SLC41A3: variants seen among roughly 807,000 people sequenced by gnomAD.
SLC41A3 encodes the protein SLC41A1-like 2.
A neutral mutation model predicts 45.4 loss-of-function variants in SLC41A3; 44 were observed. The observed-to-expected ratio is 0.97, with a 90% CI of 0.76 to 1.25. SLC41A3 has a LOEUF of 1.25. Among genes scored for constraint, SLC41A3 ranks in the 50% most tolerant of loss-of-function variants. The pLI is 0.00. For missense variants in SLC41A3, 550 were observed against 600.6 expected (o/e 0.92, Z 0.88); for synonymous variants, 256 against 252.4 (o/e 1.01, Z -0.13).
Position 126,064,380 on chromosome 3 carries a change from C to T in SLC41A3, c.273+3567G>A, listed in dbSNP as rs184191867. Among the ~76,000 whole-genome samples, 332 of 152,170 alleles carry T rather than the reference C, an allele frequency of 2.2e-3. 2 individuals carry two copies. Among genetic ancestry groups the T allele is most frequent in the Non-Finnish European group, 3.4e-3 (228 of 67,988 alleles). On this transcript the variant is annotated intron_variant, in intron 2 of 10. Coordinates refer to ENST00000360370, the MANE Select transcript of SLC41A3 (RefSeq NM_017836.4). The stretch of plus-strand genomic sequence containing the variant: ...GAATGGAGGGCAGGTTTCCCACTCT[C>T]TTGTTATGACAAATCTTGCCCCCCA...
chr3:126,084,359 G>C (rs1945327478), upstream of SLC41A3: 1 of 152,152 alleles, frequency 6.6e-6, no homozygotes, highest in African/African-American at 2.4e-5. Flanking sequence ...GGCCCTCCTC[G>C]CAGCTGGGGC....
intron 4 of SLC41A3, 105 bp downstream of exon 4, chr3:126,033,502 C>G (rs932071409): frequency 1.7e-5 from 21 of 1,254,818 alleles, no homozygotes; most frequent in Non-Finnish European, 2.3e-5. Context: ...TCTCAAAGTT[C>G]AGGCCAGAGT....
intron 4 of SLC41A3, among the ~76,000 whole-genome samples, chr3:126,030,449 A>C (rs1941716067): frequency 6.6e-6 from 1 of 152,176 alleles, no homozygotes; most frequent in South Asian, 2.1e-4. Context: ...TCTAGTAGTT[A>C]GGAAAATTCT....
chr3:126,049,432 A>G (rs1943180812), intron 3 of SLC41A3, among the ~76,000 whole-genome samples: 1 of 152,202 alleles, frequency 6.6e-6, no homozygotes, highest in Non-Finnish European at 1.5e-5. Context: ...GGTTGCAGTG[A>G]GCTGAGATCA....
rs776446515 is a variant in SLC41A3 at position 126,026,316 on chromosome 3, C to T, written c.598+19G>A. 3 of 1,554,798 alleles carry T rather than the reference C, an allele frequency of 1.9e-6. No individual in the cohort carries two copies. Among genetic ancestry groups the T allele is most frequent in the East Asian group, 2.4e-5 (1 of 41,414 alleles). On this transcript the variant is annotated intron_variant, in intron 5 of 10. Transcript: ENST00000360370. This position sits in a 1 kb window ranked among gnomAD's most constrained non-coding sequence, Gnocchi z 4.2. ...GGAGCAGGGAGCGGGTGGGGGCTCA[C>T]AGCTGGGGCATGGCTCACCCAGGGC...
intron 1 of SLC41A3, among the ~76,000 whole-genome samples, chr3:126,098,592 T>A (rs1945647632): frequency 6.6e-6 from 1 of 152,242 alleles, no homozygotes; most frequent in South Asian, 2.1e-4. Flanking sequence ...AGCTCCCAGA[T>A]GGACCACGGG....
intron 1 of SLC41A3, among the ~76,000 whole-genome samples, chr3:126,077,022 G>T (rs1576366182): frequency 6.6e-6 from 1 of 152,128 alleles, no homozygotes; most frequent in East Asian, 1.9e-4. Flanking sequence ...AAAATAACTG[G>T]ATTATTTTTC....
chr3:126,056,266 C>T, intron 2 of SLC41A3: 4 of 1,492,518 alleles, frequency 2.7e-6, no homozygotes, highest in Non-Finnish European at 3.7e-6. Context: ...ACTGTAGAGG[C>T]CCCTCATGTC....
intron 4 of SLC41A3, among the ~76,000 whole-genome samples, chr3:126,031,394 T>C (rs565168169): frequency 6.6e-6 from 1 of 152,280 alleles, no homozygotes; most frequent in Admixed American, 6.5e-5. Context: ...ATCTTTCAAG[T>C]AAGTCAAAGG....
chr3:126,088,888 T>C (rs779120212), upstream of SLC41A3, among the ~76,000 whole-genome samples: 4 of 152,236 alleles, frequency 2.6e-5, no homozygotes, highest in African/African-American at 7.2e-5. Context: ...CAGCTCACTA[T>C]TGAACAATCA....
chr3:126,087,863 TG>T (rs1003450030), upstream of SLC41A3, among the ~76,000 whole-genome samples: 1 of 152,064 alleles, frequency 6.6e-6, no homozygotes, highest in Non-Finnish European at 1.5e-5. Context: ...TTTCTAGAGA[TG>T]GGTCTTTGAT....
At position 126,026,779 on chromosome 3, in the gene SLC41A3, A is replaced by T. The variant is rs757717269; in HGVS notation, c.454-300T>A. Among the ~76,000 whole-genome samples, 2 of 152,204 alleles carry T rather than the reference A, an allele frequency of 1.3e-5. No homozygotes were observed. Among genetic ancestry groups the T allele is most frequent in the Non-Finnish European group, 2.9e-5 (2 of 68,052 alleles). Reference sequence around the variant, plus strand: ...AGGCTTTGGTCAGGGGCCACCTGGTATCTTGCTGGCAACTCCACTCTCACT... The same window carrying T: ...AGGCTTTGGTCAGGGGCCACCTGGTTTCTTGCTGGCAACTCCACTCTCACT... On this transcript the variant is annotated intron_variant, in intron 4 of 10. Coordinates refer to ENST00000360370, the MANE Select transcript of SLC41A3 (RefSeq NM_017836.4). The surrounding 1 kb of genome is among the most constrained non-coding windows in gnomAD (Gnocchi z 4.2).
chr3:126,044,394 T>C (rs934151743), intron 3 of SLC41A3, among the ~76,000 whole-genome samples: 38 of 152,184 alleles, frequency 2.5e-4, no homozygotes, highest in African/African-American at 1.2e-4. Flanking sequence ...CAATGATGAA[T>C]ACAACAACCA....
intron 3 of SLC41A3, among the ~76,000 whole-genome samples, chr3:126,042,567 C>G (rs1016623888): frequency 1.3e-5 from 2 of 151,850 alleles, no homozygotes; most frequent in Non-Finnish European, 2.9e-5. Flanking sequence ...AGACACTGAC[C>G]CTAAAGAAAG....
intron 2 of SLC41A3, chr3:126,056,481 A>G (rs766261208): frequency 6.2e-7 from 1 of 1,614,208 alleles, no homozygotes; most frequent in Non-Finnish European, 8.5e-7. Context: ...GGGACCGGGT[A>G]AGCTCACAGC....
intron 3 of SLC41A3, among the ~76,000 whole-genome samples, chr3:126,038,753 T>C (rs751648596): frequency 6.6e-6 from 1 of 152,212 alleles, no homozygotes; most frequent in Non-Finnish European, 1.5e-5. Context: ...GGGATGATTG[T>C]ATTTTGTAAT....
At chr3:126,041,706 G>A (rs1405710528) in intron 3 of SLC41A3, among the ~76,000 whole-genome samples, 2 of 152,188 alleles carry the variant, frequency 1.3e-5, no homozygotes, top group African/African-American at 4.8e-5. Context: ...ACTAGAGGAT[G>A]TACTCAATCA....
chr3:126,065,571 T>C (rs561896062), intron 2 of SLC41A3, among the ~76,000 whole-genome samples: 1 of 152,312 alleles, frequency 6.6e-6, no homozygotes, highest in South Asian at 2.1e-4. Context: ...TTCTTCTTCA[T>C]GGGAACACAT....
intron 5 of SLC41A3, chr3:126,024,990 C>T (rs1941217619): frequency 6.6e-6 from 1 of 152,260 alleles, no homozygotes; most frequent in African/African-American, 2.4e-5. Flanking sequence ...TAACGTAAAG[C>T]ATGGCTGGAA....
Sources: allele counts gnomAD v4.1 joint callset (sites outside exome capture counted in the v4.1 genomes callset), GRCh38; gene constraint gnomAD v4.1.1; non-coding constraint Gnocchi (gnomAD v3.1); transcripts MANE v1.5; gene names NCBI Gene and HGNC (gene_info 2026-07-23, HGNC 2026-07-21).